Variants in GPC6 observed in about 807,000 individuals in gnomAD.
GPC6 encodes the protein glypican 6.
Under a neutral mutation model 55.2 loss-of-function variants are expected in GPC6, and 14 were observed. The observed-to-expected ratio is 0.25, with a 90% CI of 0.17 to 0.40. The LOEUF is 0.40. Among genes scored for constraint, GPC6 ranks in the 10% least tolerant of loss-of-function variants. The probability of loss-of-function intolerance (pLI) is 1.00; values close to 1 mark genes in which losing one functional copy is unlikely to be tolerated. For synonymous variants in GPC6, 278 were observed against 259.6 expected (o/e 1.07, Z -0.68); for missense variants, 641 against 708.5 (o/e 0.90, Z 1.08).
In GPC6 at chr13:93,496,369, G is replaced by A. The variant is rs192079098; in HGVS notation, c.161-48894G>A. Reference sequence around the variant, plus strand: ...CGCTTCCCAAGTGAGGCAATGCCTCGCCCTGCTTCGGCTCGCGCACCCACT... The same window carrying A: ...CGCTTCCCAAGTGAGGCAATGCCTCACCCTGCTTCGGCTCGCGCACCCACT... On this transcript the variant is annotated intron_variant, in intron 1 of 8. Coordinates refer to ENST00000377047, the MANE Select transcript of GPC6 (RefSeq NM_005708.5). Among the ~76,000 whole-genome samples the A allele has an allele frequency of 5.3e-5, 8 of 152,286 alleles. No homozygotes were observed. The East Asian group carries it at 1.4e-3, about 26-fold the overall frequency.
chr13:93,673,679 A>T (rs1029191789), intron 2 of GPC6, among the ~76,000 whole-genome samples: 2 of 152,112 alleles, frequency 1.3e-5, no homozygotes, highest in African/African-American at 4.8e-5. Context: ...ACTTTTTTGT[A>T]TGTTAAAATT....
chr13:93,615,087 A>G (rs999818519), intron 2 of GPC6, among the ~76,000 whole-genome samples: 1 of 152,104 alleles, frequency 6.6e-6, no homozygotes, highest in Non-Finnish European at 1.5e-5. Flanking sequence ...ATATTGTACA[A>G]TTTTTGTTTT....
At chr13:93,530,320 T>C (rs1268581571) in intron 1 of GPC6, among the ~76,000 whole-genome samples, 1 of 152,236 alleles carries the variant, frequency 6.6e-6, no homozygotes. Flanking sequence ...TAGTCCCCAC[T>C]GTCCACCATT....
intron 4 of GPC6, among the ~76,000 whole-genome samples, chr13:94,084,973 T>C (rs145000838): frequency 5.4e-4 from 82 of 152,158 alleles, no homozygotes; most frequent in African/African-American, 1.9e-3. Flanking sequence ...TGGAAAGAGA[T>C]AACTATATCA....
intron 2 of GPC6, among the ~76,000 whole-genome samples, chr13:93,754,400 T>C (rs1193492650): frequency 6.6e-6 from 1 of 152,138 alleles, no homozygotes; most frequent in Non-Finnish European, 1.5e-5. Context: ...TGTGAGACCT[T>C]CCAAAATGCT....
intron 4 of GPC6, among the ~76,000 whole-genome samples, chr13:94,199,278 C>G (rs776560177): frequency 2.6e-4 from 40 of 152,138 alleles, no homozygotes; most frequent in Non-Finnish European, 5.4e-4. Context: ...GTCATTGACT[C>G]TTTTTATTAG....
intron 1 of GPC6, among the ~76,000 whole-genome samples, chr13:93,459,841 A>G (rs1272018321): frequency 6.6e-6 from 1 of 152,220 alleles, no homozygotes; most frequent in Admixed American, 6.5e-5. Flanking sequence ...ATATCAACAC[A>G]CTGCATTCTA....
intron 4 of GPC6, among the ~76,000 whole-genome samples, chr13:94,150,314 T>C (rs1887693694): frequency 6.6e-6 from 1 of 152,096 alleles, no homozygotes; most frequent in African/African-American, 2.4e-5. Context: ...TGATATCCTT[T>C]TCCCCCCTTG....
At chr13:93,800,921 C>T (rs77012587) in intron 2 of GPC6, among the ~76,000 whole-genome samples, 4,615 of 152,138 alleles carry the variant, frequency 0.03, 224 homozygotes, top group African/African-American at 0.1. Flanking sequence ...TATTTTTAAA[C>T]TTCTTGAGTT....
At chr13:93,780,303 A>C (rs1885598434) in intron 2 of GPC6, among the ~76,000 whole-genome samples, 1 of 152,140 alleles carries the variant, frequency 6.6e-6, no homozygotes. Context: ...TTTCCTTAAG[A>C]GAATATTGCC....
Position 94,403,347 on chromosome 13 carries a change from T to C in GPC6, c.*130T>C, listed in dbSNP as rs934943404. 5 of 734,984 alleles carry C rather than the reference T, an allele frequency of 6.8e-6. No individual in the cohort carries two copies. In the African/African-American group the frequency reaches 6.9e-5, roughly 10 times the overall value. The allele number at this position is 734,984 out of a possible 1,614,324, so 45.5% of individuals were successfully genotyped here. A position where few individuals can be genotyped will look rare whatever the true frequency, so the allele number is the denominator to read the frequency against. On this transcript the variant is annotated 3_prime_UTR_variant, in exon 9 of 9. Coordinates refer to ENST00000377047, the MANE Select transcript of GPC6 (RefSeq NM_005708.5). ...GTTTTCTATGAGAAGAGAGCAGTAA[T>C]GCAATCTGCCTCCCTTTTTGTTTTC...
At chr13:94,135,199 A>G (rs755267382) in intron 4 of GPC6, among the ~76,000 whole-genome samples, 5 of 151,756 alleles carry the variant, frequency 3.3e-5, no homozygotes, top group African/African-American at 4.8e-5. Flanking sequence ...ATTTACAGAC[A>G]TGGGCTACCG....
intron 1 of GPC6, among the ~76,000 whole-genome samples, chr13:93,363,089 T>A (rs1300559998): frequency 6.6e-6 from 1 of 151,162 alleles, no homozygotes. Flanking sequence ...GTAGGTTTTG[T>A]GTCTTTTTTT....
intron 2 of GPC6, among the ~76,000 whole-genome samples, chr13:93,697,293 C>G (rs182223149): frequency 6.6e-6 from 1 of 152,226 alleles, no homozygotes; most frequent in African/African-American, 2.4e-5. Context: ...GCTAGAGTGC[C>G]TTTTTATGGC....
intron 6 of GPC6, among the ~76,000 whole-genome samples, chr13:94,334,370 C>G (rs1877575599): frequency 6.6e-6 from 1 of 152,200 alleles, no homozygotes; most frequent in Non-Finnish European, 1.5e-5. Context: ...ACCTGGGGAA[C>G]AGCAGAAAAT....
rs755978023 is a variant in GPC6 at position 93,444,195 on chromosome 13, C to CTTCTTTTT, written c.161-101066_161-101065insCTTTTTTT. Among the ~76,000 whole-genome samples, 212 of 110,586 alleles carry CTTCTTTTT rather than the reference C, an allele frequency of 1.9e-3. 1 individual carries two copies. Among genetic ancestry groups the CTTCTTTTT allele is most frequent in the Non-Finnish European group, 2.1e-3 (114 of 53,410 alleles). The allele number at this position is 110,586 out of a possible 152,430, so 72.5% of individuals were successfully genotyped here. On this transcript the variant is annotated intron_variant, in intron 1 of 8. Coordinates refer to ENST00000377047, the MANE Select transcript of GPC6 (RefSeq NM_005708.5). ...AGTAAAAAGTCAAAATGCAATTCTT[C>CTTCTTTTT]TTTTTTTTTTTTTTTTTTTGGTAAA...
chr13:93,708,352 A>G (rs1882929887), intron 2 of GPC6, among the ~76,000 whole-genome samples: 1 of 151,766 alleles, frequency 6.6e-6, no homozygotes, highest in Non-Finnish European at 1.5e-5. Flanking sequence ...TGTTTCTGGC[A>G]ATTATCTGCT....
At chr13:94,027,311 T>G (rs1347925443) in intron 3 of GPC6, among the ~76,000 whole-genome samples, 1 of 152,192 alleles carries the variant, frequency 6.6e-6, no homozygotes, top group African/African-American at 2.4e-5. Context: ...GAAGAAACGT[T>G]ATGTACAAAG....
intron 1 of GPC6, among the ~76,000 whole-genome samples, chr13:93,538,355 A>G (rs1171826351): frequency 6.6e-6 from 1 of 152,168 alleles, no homozygotes; most frequent in East Asian, 1.9e-4. Context: ...ATAGAACTGG[A>G]AATGTTCTTA....
Sources: gnomAD v4.1 joint callset for allele counts (sites outside exome capture counted in the v4.1 genomes callset) on GRCh38, gnomAD v4.1.1 for gene constraint, MANE v1.5 for transcripts, NCBI Gene and HGNC (gene_info 2026-07-23, HGNC 2026-07-21) for gene names.